The following RRP1B variants were observed in gnomAD, a reference collection of about 807,000 sequenced individuals.
RRP1B encodes ribosomal RNA processing 1B, also known as ribosomal RNA processing protein 1 homolog B.
Under a neutral mutation model 80.2 loss-of-function variants are expected in RRP1B, and 56 were observed. The ratio of observed to expected loss-of-function variants is 0.70; its 90% confidence interval spans 0.56 to 0.87. The LOEUF (loss-of-function observed/expected upper bound fraction) is 0.87, where lower values mean the gene tolerates loss of function less well. Among genes scored for constraint, RRP1B ranks in the 40% least tolerant of loss-of-function variants. The pLI is 0.00. For synonymous variants in RRP1B, 351 were observed against 357.6 expected, an observed-to-expected ratio of 0.98 and a Z score of 0.21; for missense variants, 807 against 939.8, an observed-to-expected ratio of 0.86 and a Z score of 1.85.
intron 2 of RRP1B, 82 bp downstream of exon 2, chr21:43,670,048 C>A: frequency 1.1e-6 from 1 of 932,388 alleles, no homozygotes; most frequent in Non-Finnish European, 1.6e-6. Context: ...TGTGCCAGTC[C>A]CCCGATACAC....
chr21:43,660,136 A>G (rs756162933), intron 1 of RRP1B, among the ~76,000 whole-genome samples: 5 of 152,216 alleles, frequency 3.3e-5, no homozygotes, highest in African/African-American at 1.2e-4. Context: ...TCCTTTGACC[A>G]GCACCTTTAC....
chr21:43,663,257 C>T (rs558852139), intron 1 of RRP1B, among the ~76,000 whole-genome samples: 1 of 152,190 alleles, frequency 6.6e-6, no homozygotes, highest in Non-Finnish European at 1.5e-5. Context: ...ATGTTTACCT[C>T]GTTTGTTTTG....
At chr21:43,673,786 G>C in intron 3 of RRP1B, 84 bp from the exon 4 acceptor site, 2 of 800,546 alleles carry the variant, frequency 2.5e-6, no homozygotes, top group Admixed American at 2.1e-5. Flanking sequence ...AATAATGCTA[G>C]TTTGTTCCTC....
At position 43,691,389 on chromosome 21, in the gene RRP1B, T is replaced by C. The variant is rs1277027230; in HGVS notation, c.2020-50T>C. On this transcript the variant is annotated intron_variant, in intron 14 of 15. Transcript: ENST00000340648. This position sits in a 1 kb window ranked among gnomAD's most constrained non-coding sequence, Gnocchi z 4.2. ...CTCCAGAAAAATCTGACTAAGCGCC[T>C]CCACTGCACTTGCGTCACTCCTTTT... The C allele has an allele frequency of 1.3e-6, 2 of 1,573,156 alleles. No homozygotes were observed.
chr21:43,676,460 G>T (rs2083023056), intron 7 of RRP1B, 124 bp downstream of exon 7: 1 of 780,294 alleles, frequency 1.3e-6, no homozygotes, highest in East Asian at 2.5e-5. Context: ...GGCTGGAGAA[G>T]ACAGCCGAAG....
rs1052581301 is a variant in RRP1B at position 43,687,971 on chromosome 21, A to T, written c.1597A>T (p.Asn533Tyr). Residue 533 changes from asparagine (N) to tyrosine (Y), a missense_variant, in exon 13 of 16, where the codon AAT becomes TAT. Coordinates refer to ENST00000340648, the MANE Select transcript of RRP1B (RefSeq NM_015056.3). ...GCGGAAACTTGGAGTTGTGCCCGTC[A>T]ATGGCAGTGGCCTGTCCACGCCGGC... The part of the protein sequence containing the change: ...RKRKLGVVPV[N>Y]GSGLSTPAWP... 1 of 1,613,092 alleles carries T rather than the reference A, an allele frequency of 6.2e-7. No individual in the cohort carries two copies. The highest frequency in any genetic ancestry group is 1.3e-5 in the African/African-American group (1 of 74,950).
chr21:43,674,947 T>C, intron 5 of RRP1B, 87 bp from the exon 6 acceptor site: 1 of 1,539,782 alleles, frequency 6.5e-7, no homozygotes. Flanking sequence ...GCTGTGTAGG[T>C]TCTAGACGGA....
In RRP1B at chr21:43,687,814, G is replaced by A. The variant is rs191423859; in HGVS notation, c.1440G>A (p.Pro480=). The change falls in exon 13 of 16, where the codon CCG becomes CCA. Residue 480 remains proline (P), a synonymous_variant. Transcript: ENST00000340648. ...NKRKRPRKKS[P]RAHREMLESA... ...GGAAACGGCCACGGAAGAAGAGCCCGAGGGCCCACAGGGAAATGTTGGAAT... is the reference window on the plus strand; with the variant it reads ...GGAAACGGCCACGGAAGAAGAGCCCAAGGGCCCACAGGGAAATGTTGGAAT... The A allele has an allele frequency of 5.6e-5, 91 of 1,613,282 alleles. No individual in the cohort carries two copies. The East Asian group carries it at 1.4e-3, about 25-fold the overall frequency.
In RRP1B at chr21:43,659,599, C is replaced by G; in HGVS notation, c.-66C>G. The G allele has an allele frequency of 2.2e-6, 3 of 1,340,456 alleles. No homozygotes were observed. The highest frequency in any genetic ancestry group is 2.9e-6 in the Non-Finnish European group (3 of 1,047,302). 83.0% of individuals were successfully genotyped at this position (1,340,456 alleles called of 1,614,324 possible). On this transcript the variant is annotated 5_prime_UTR_variant, in exon 1 of 16. Transcript: ENST00000340648. The surrounding 1 kb of genome is among the most constrained non-coding windows in gnomAD (Gnocchi z 4.2). ...CCCGGGCGGACGGTGGCTGGCTGCT[C>G]CGCAGCGCTCGGCTGGCTGCAGCGG...
In RRP1B at chr21:43,694,181, T is replaced by G. The variant is rs1281881798; in HGVS notation, c.*798T>G. 6.6e-6 allele frequency: 1 copy of G among 151,902 alleles called. No homozygotes were observed. Among genetic ancestry groups the G allele is most frequent in the East Asian group, 2.0e-4 (1 of 5,116 alleles). The allele number at this position is 151,902 out of a possible 1,614,324, so 9.4% of individuals were successfully genotyped here. A position where few individuals can be genotyped will look rare whatever the true frequency, so the allele number is the denominator to read the frequency against. On this transcript the variant is annotated 3_prime_UTR_variant, in exon 16 of 16. Transcript: ENST00000340648. ...GGAGCACACTCATTCCTCCAAGCCC[T>G]TGCGCTCCCGTTTCTCTCTCTCTCC... is the stretch of plus-strand genomic sequence containing the variant.
At position 43,688,103 on chromosome 21, in the gene RRP1B, C is replaced by T; in HGVS notation, c.1729C>T (p.Pro577Ser). The part of the protein sequence containing the change: ...RRRLQKKKAG[P>S]GSLELCGLPS... ...GAGGCTGCAGAAAAAGAAGGCAGGG[C>T]CCGGCAGCCTGGAGCTCTGTGGCCT... Residue 577 changes from proline to serine, a missense_variant, in exon 13 of 16, where the codon CCC (proline) becomes TCC (serine). Physicochemically the swap from Pro to Ser is moderately conservative, Grantham distance 74 (BLOSUM62 -1). Coordinates refer to ENST00000340648, the MANE Select transcript of RRP1B (RefSeq NM_015056.3). The T allele has an allele frequency of 6.2e-7, 1 of 1,604,832 alleles. No homozygotes were observed. Among genetic ancestry groups the T allele is most frequent in the Non-Finnish European group, 8.5e-7 (1 of 1,176,144 alleles).
intron 7 of RRP1B, 86 bp from the exon 8 acceptor site, chr21:43,676,647 T>C (rs2083023799): frequency 7.9e-7 from 1 of 1,268,172 alleles, no homozygotes; most frequent in South Asian, 1.4e-5. Flanking sequence ...CAGCAACGTG[T>C]GCAGGGCTTC....
At chr21:43,660,953 G>A (rs1026124863) in intron 1 of RRP1B, among the ~76,000 whole-genome samples, 1 of 152,132 alleles carries the variant, frequency 6.6e-6, no homozygotes, top group South Asian at 2.1e-4. Context: ...GTGTAATAGA[G>A]GTTTTAAGAT....
intron 8 of RRP1B, among the ~76,000 whole-genome samples, chr21:43,683,061 C>T (rs959171744): frequency 1.3e-5 from 2 of 151,988 alleles, no homozygotes; most frequent in Admixed American, 6.6e-5. Flanking sequence ...TTAGTGGAGA[C>T]GGGGTTTCGC....
Position 43,691,983 on chromosome 21 carries a change from A to G in RRP1B, c.2083+481A>G, listed in dbSNP as rs545503190. 6.6e-6 allele frequency among the ~76,000 whole-genome samples: 1 copy of G among 152,044 alleles called. No individual in the cohort carries two copies. Among genetic ancestry groups the G allele is most frequent in the Non-Finnish European group, 1.5e-5 (1 of 68,020 alleles). The stretch of plus-strand genomic sequence containing the variant: ...ATTTCTGAGTCAGAAGGAAGCACCT[A>G]TGTGTCTGTCCCTCATCCTCAAAGG... On this transcript the variant is annotated intron_variant, in intron 15 of 15. Coordinates refer to ENST00000340648, the MANE Select transcript of RRP1B (RefSeq NM_015056.3). The surrounding 1 kb of genome is among the most constrained non-coding windows in gnomAD (Gnocchi z 4.2).
At chr21:43,686,663 A>G in intron 11 of RRP1B, 141 bp from the exon 12 acceptor site, 1 of 910,788 alleles carries the variant, frequency 1.1e-6, no homozygotes, top group Non-Finnish European at 1.6e-6. Flanking sequence ...TTCCTGTGTC[A>G]GCAGCGCTCA....
At chr21:43,668,555 G>A (rs2082987583) in intron 1 of RRP1B, among the ~76,000 whole-genome samples, 1 of 151,894 alleles carries the variant, frequency 6.6e-6, no homozygotes, top group Non-Finnish European at 1.5e-5. Context: ...ATTTTTAGTA[G>A]AGACGGGGTT....
intron 10 of RRP1B, 93 bp downstream of exon 10, chr21:43,684,743 T>G: frequency 2.0e-6 from 2 of 1,023,036 alleles, no homozygotes; most frequent in Non-Finnish European, 3.0e-6. Context: ...ATCTTTTTTC[T>G]TTCTTCTTTT....
chr21:43,689,310 G>A lies in RRP1B; in HGVS notation c.1867-978G>A, dbSNP rs114507196. 1.9e-3 allele frequency among the ~76,000 whole-genome samples: 284 copies of A among 152,352 alleles called. 1 individual carries two copies. The highest frequency in any genetic ancestry group is 6.3e-3 in the African/African-American group (263 of 41,574). On this transcript the variant is annotated intron_variant, in intron 13 of 15. Transcript: ENST00000340648. ...GGTCACCTCTTGGTTTGCACACACC[G>A]CTTTGCGGAGATTATGACATCTCTT...
Sources: gnomAD v4.1 joint callset for allele counts (sites outside exome capture counted in the v4.1 genomes callset) on GRCh38, gnomAD v4.1.1 for gene constraint, Gnocchi (gnomAD v3.1) non-coding constraint, MANE v1.5 for transcripts, NCBI Gene and HGNC (gene_info 2026-07-23, HGNC 2026-07-21) for gene names.